The following ZFHX3 variants were observed in gnomAD, a reference collection of about 807,000 sequenced individuals.
ZFHX3 encodes zinc finger homeobox protein 3.
A neutral mutation model predicts 279.1 loss-of-function variants in ZFHX3; 42 were observed. The ratio of observed to expected loss-of-function variants is 0.15; its 90% CI spans 0.12 to 0.19. The LOEUF (loss-of-function observed/expected upper bound fraction) is 0.19. Ranked by LOEUF, ZFHX3 falls within the 10% of genes least tolerant of loss-of-function variation. The pLI, the probability that ZFHX3 is intolerant of heterozygous loss-of-function variation, is 1.00. For missense variants in ZFHX3, 4,981 were observed against 4,754.0 expected (o/e 1.05, Z -1.40); for synonymous variants, 2,293 against 1,957.8 (o/e 1.17, Z -4.52).
chr16:73,056,518 G>A (rs768926459), intron 1 of ZFHX3, among the ~76,000 whole-genome samples: 9 of 151,904 alleles, frequency 5.9e-5, no homozygotes, highest in Non-Finnish European at 1.3e-4. Context: ...CACTTTGGGG[G>A]TTCAGCTCCT....
intron 5 of ZFHX3, among the ~76,000 whole-genome samples, chr16:73,238,920 C>T (rs1051000105): frequency 1.3e-4 from 20 of 152,134 alleles, no homozygotes; most frequent in Non-Finnish European, 1.9e-4. Flanking sequence ...AAGCATTTCT[C>T]CCCCGACCGA....
At chr16:73,817,999 A>G (rs982719608) in intron 1 of ZFHX3, among the ~76,000 whole-genome samples, 10 of 152,198 alleles carry the variant, frequency 6.6e-5, no homozygotes, top group Non-Finnish European at 1.5e-4. Context: ...CATTAATAAA[A>G]GTGTGACTTA....
intron 5 of ZFHX3, among the ~76,000 whole-genome samples, chr16:73,204,440 A>C (rs1051109549): frequency 1.6e-4 from 24 of 152,176 alleles, no homozygotes; most frequent in Non-Finnish European, 4.4e-5. Context: ...GAAGTGCCCA[A>C]CCTAGATCCC....
intron 8 of ZFHX3, among the ~76,000 whole-genome samples, chr16:73,086,356 G>T (rs146898153): frequency 6.6e-6 from 1 of 152,276 alleles, no homozygotes; most frequent in East Asian, 1.9e-4. Context: ...TGCCACTGGT[G>T]GGTGTATGTC....
intron 2 of ZFHX3, among the ~76,000 whole-genome samples, chr16:73,618,442 A>T (rs2052326608): frequency 6.6e-6 from 1 of 152,248 alleles, no homozygotes; most frequent in African/African-American, 2.4e-5. Flanking sequence ...GATTATTGTC[A>T]TTCTCTATCT....
chr16:73,822,450 T>A (rs1315981945), intron 1 of ZFHX3, among the ~76,000 whole-genome samples: 1 of 152,186 alleles, frequency 6.6e-6, no homozygotes, highest in Non-Finnish European at 1.5e-5. Flanking sequence ...CACAATTGCA[T>A]CTTAACTTAG....
chr16:73,467,359 A>G (rs567855155), intron 2 of ZFHX3, among the ~76,000 whole-genome samples: 24 of 152,336 alleles, frequency 1.6e-4, no homozygotes, highest in African/African-American at 5.3e-4. Flanking sequence ...AGCCCTACCT[A>G]TGTGGACTCT....
chr16:73,236,262 C>T (rs2012944760), intron 5 of ZFHX3, among the ~76,000 whole-genome samples: 1 of 152,200 alleles, frequency 6.6e-6, no homozygotes, highest in Admixed American at 6.5e-5. Flanking sequence ...CTGTGGTCAA[C>T]ATCATTTTAG....
chr16:73,852,209 T>A (rs1961609894), intron 1 of ZFHX3, among the ~76,000 whole-genome samples: 1 of 152,206 alleles, frequency 6.6e-6, no homozygotes, highest in South Asian at 2.1e-4. Context: ...GACTCTATTG[T>A]TCACCATGCC....
chr16:73,082,125 C>T (rs1366191811), intron 8 of ZFHX3, among the ~76,000 whole-genome samples: 1 of 152,106 alleles, frequency 6.6e-6, no homozygotes, highest in East Asian at 1.9e-4. Context: ...GTGTGAGCCA[C>T]CGCATCCAGC....
At chr16:72,876,671 T>G (rs540920970) in intron 4 of ZFHX3, among the ~76,000 whole-genome samples, 1 of 152,288 alleles carries the variant, frequency 6.6e-6, no homozygotes, top group South Asian at 2.1e-4. Context: ...AGAGATAATC[T>G]CTCTTCTCCT....
intron 5 of ZFHX3, among the ~76,000 whole-genome samples, chr16:73,192,477 G>C (rs7203458): frequency 0.46 from 70,234 of 151,974 alleles, 16,647 homozygotes; most frequent in African/African-American, 0.52. Context: ...TGATCACCGG[G>C]TGCCAAAGAA....
At chr16:73,886,316 C>A (rs533440973) in intron 1 of ZFHX3, among the ~76,000 whole-genome samples, 2 of 152,094 alleles carry the variant, frequency 1.3e-5, no homozygotes, top group South Asian at 4.2e-4. Flanking sequence ...AAAAAAAACA[C>A]CATTCCCATT....
intron 3 of ZFHX3, among the ~76,000 whole-genome samples, chr16:73,383,384 G>A (rs975259460): frequency 4.6e-5 from 7 of 152,208 alleles, no homozygotes; most frequent in East Asian, 1.9e-4. Context: ...GCGGCACTGG[G>A]CCTGGAGCTG....
chr16:73,628,336 T>C (rs965478263), intron 2 of ZFHX3, among the ~76,000 whole-genome samples: 1 of 152,220 alleles, frequency 6.6e-6, no homozygotes, highest in Admixed American at 6.5e-5. Flanking sequence ...TTCAAATGTA[T>C]GGATCTATAA....
chr16:72,861,637 A>G (rs1391911724), intron 4 of ZFHX3, among the ~76,000 whole-genome samples: 6 of 152,210 alleles, frequency 3.9e-5, no homozygotes, highest in African/African-American at 1.4e-4. Context: ...CTATCTGAAA[A>G]TGTGGAATTA....
At chr16:73,583,794 C>T (rs1428662827) in intron 2 of ZFHX3, among the ~76,000 whole-genome samples, 1 of 151,886 alleles carries the variant, frequency 6.6e-6, no homozygotes, top group Admixed American at 6.6e-5. Flanking sequence ...TCGGCAAAAC[C>T]CAATAAACAG....
intron 5 of ZFHX3, among the ~76,000 whole-genome samples, chr16:73,250,690 C>A (rs1027313821): frequency 3.3e-5 from 5 of 149,478 alleles, no homozygotes; most frequent in African/African-American, 1.2e-4. Flanking sequence ...CCCGCCACCA[C>A]GTCTGGCTAA....
rs560467550 is a variant in ZFHX3, at chr16:72,887,158, C to T, written c.3448+2573G>A. On this transcript the variant is annotated intron_variant, in intron 4 of 9. Transcript: ENST00000268489. ...CTGTTTCATTTATATGAGGAGGCAG[C>T]GAAGGAGCAGTCAGATGATCCAGAG... 4.6e-5 allele frequency among the ~76,000 whole-genome samples: 7 copies of T among 152,196 alleles called. No homozygotes were observed. In the South Asian group the frequency reaches 8.3e-4, roughly 18 times the overall value.
Sources: gnomAD v4.1 joint callset for allele counts (sites outside exome capture counted in the v4.1 genomes callset) on GRCh38, gnomAD v4.1.1 for gene constraint, MANE v1.5 for transcripts, NCBI Gene and HGNC (gene_info 2026-07-23, HGNC 2026-07-21) for gene names.